Variants in DLG2 observed in about 807,000 individuals in gnomAD.
DLG2 encodes the protein disks large homolog 2.
Under a neutral mutation model 132.5 loss-of-function variants are expected in DLG2, and 45 were observed. That is an observed-to-expected ratio of 0.34 (90% confidence interval 0.27 to 0.44). The LOEUF (loss-of-function observed/expected upper bound fraction) is 0.44, where lower values mean the gene tolerates loss of function less well. DLG2 is among the 20% of genes least tolerant of loss of function. The probability of loss-of-function intolerance (pLI) is 1.00; values close to 1 mark genes in which losing one functional copy is unlikely to be tolerated. For synonymous variants in DLG2, 424 were observed against 419.6 expected (o/e 1.01, Z -0.13); for missense variants, 1,045 against 1,196.9 (o/e 0.87, Z 1.87).
chr11:84,650,869 GTGTGTA>G (rs1213202212), intron 6 of DLG2, among the ~76,000 whole-genome samples: 61 of 121,646 alleles, frequency 5.0e-4, no homozygotes, highest in Middle Eastern at 4.1e-3. Context: ...GTGTGTGTGT[GTGTGTA>G]TATATATATA....
chr11:85,377,117 C>G (rs1282259699), intron 3 of DLG2, among the ~76,000 whole-genome samples: 1 of 152,124 alleles, frequency 6.6e-6, no homozygotes, highest in Non-Finnish European at 1.5e-5. Context: ...CTGTGTCTGG[C>G]TATAGAATCC....
intron 7 of DLG2, among the ~76,000 whole-genome samples, chr11:84,380,598 C>G (rs2098745912): frequency 6.6e-6 from 1 of 151,480 alleles, no homozygotes; most frequent in Admixed American, 6.6e-5. Flanking sequence ...AAACTTATAG[C>G]CTTAAGTATT....
At chr11:84,234,967 T>C (rs1471517823) in intron 8 of DLG2, among the ~76,000 whole-genome samples, 4 of 152,210 alleles carry the variant, frequency 2.6e-5, no homozygotes, top group Admixed American at 1.3e-4. Context: ...TAAAGCCTGA[T>C]AAGAAACATT....
At chr11:85,434,613 G>A (rs1048963162) in intron 3 of DLG2, among the ~76,000 whole-genome samples, 1 of 152,090 alleles carries the variant, frequency 6.6e-6, no homozygotes, top group Non-Finnish European at 1.5e-5. Context: ...ACCCTCCCAA[G>A]AGTAAACCAG....
intron 6 of DLG2, among the ~76,000 whole-genome samples, chr11:84,961,644 T>G (rs2052596252): frequency 6.6e-6 from 1 of 152,022 alleles, no homozygotes; most frequent in Non-Finnish European, 1.5e-5. Flanking sequence ...CCATCATTTA[T>G]GAAACTCCTG....
intron 4 of DLG2, among the ~76,000 whole-genome samples, chr11:85,209,595 C>CTTTTTTTTTTTTTT: frequency 8.6e-6 from 1 of 116,946 alleles, no homozygotes; most frequent in Non-Finnish European, 1.7e-5. Context: ...ACCCAGCTAA[C>CTTTTTTTTTTTTTT]TTTTTTTTTT....
chr11:85,468,310 C>T (rs1248791183), intron 3 of DLG2, among the ~76,000 whole-genome samples: 1 of 152,148 alleles, frequency 6.6e-6, no homozygotes, highest in Non-Finnish European at 1.5e-5. Flanking sequence ...TCTCTATCTC[C>T]TTCAGTTCTG....
rs986792944 is a variant in DLG2, at chr11:83,466,897, G to A, written c.2620-80C>T. On this transcript the variant is annotated intron_variant, in intron 25 of 27. Coordinates refer to ENST00000376104, the MANE Select transcript of DLG2 (RefSeq NM_001142699.3). ...CAACAAAAGGAAACTAATGTATGTA[G>A]GTTTTAGAGGAAGGTAGGGGATGCT... is the stretch of plus-strand genomic sequence containing the variant. The A allele has an allele frequency of 6.5e-6, 6 of 925,048 alleles. No homozygotes were observed. The East Asian group carries it at 9.8e-5, about 15-fold the overall frequency. 57.3% of individuals were successfully genotyped at this position (925,048 alleles called of 1,614,324 possible).
Position 84,844,105 on chromosome 11 carries a change from TTGTG to T in DLG2, c.357+267552_357+267555del, listed in dbSNP as rs1213298818. ...TGTGTGTATATATATATATATATGT[TTGTG>T]TGTGTGTGTGTGTGTGTGTGTGTGT... is the stretch of plus-strand genomic sequence containing the variant. On this transcript the variant is annotated intron_variant, in intron 6 of 27. Transcript: ENST00000376104. Among the ~76,000 whole-genome samples, 334 of 80,830 alleles carry T rather than the reference TTGTG, an allele frequency of 4.1e-3. 1 individual carries two copies. The highest frequency in any genetic ancestry group is 6.7e-3 in the South Asian group (17 of 2,556). The allele number at this position is 80,830 out of a possible 152,430, so 53.0% of individuals were successfully genotyped here.
chr11:85,434,402 ATT>A (rs58508196), intron 3 of DLG2, among the ~76,000 whole-genome samples: 1 of 150,482 alleles, frequency 6.6e-6, no homozygotes, highest in African/African-American at 2.4e-5. Context: ...TTTTGAAAAA[ATT>A]TTAAAAAAAA....
At chr11:85,582,446 A>G (rs929213773) in intron 3 of DLG2, among the ~76,000 whole-genome samples, 6 of 152,044 alleles carry the variant, frequency 3.9e-5, no homozygotes, top group Non-Finnish European at 5.9e-5. Context: ...ATAGGCAATC[A>G]AGGAACAGAT....
intron 3 of DLG2, among the ~76,000 whole-genome samples, chr11:85,538,490 G>GTA (rs768469637): frequency 6.6e-6 from 1 of 151,810 alleles, no homozygotes; most frequent in Non-Finnish European, 1.5e-5. Flanking sequence ...GCATTACTGG[G>GTA]TATATGCTCA....
rs1555532736 is a variant in DLG2 at position 84,373,269 on chromosome 11, A to AAAAAAAAAAC, written c.520-121979_520-121978insGTTTTTTTTT. Among the ~76,000 whole-genome samples, 139 of 128,436 alleles carry AAAAAAAAAAC rather than the reference A, an allele frequency of 1.1e-3. 1 individual carries two copies. The highest frequency in any genetic ancestry group is 1.9e-3 in the Non-Finnish European group (118 of 62,876). 84.3% of individuals were successfully genotyped at this position (128,436 alleles called of 152,430 possible). Reference sequence around the variant, plus strand: ...ACAGTCAAAAAAAAAAAAAAACAAAACAAAAAAAAAACCCACCAGGCCCGG... The same window carrying AAAAAAAAAAC: ...ACAGTCAAAAAAAAAAAAAAACAAAAAAAAAAAAACCAAAAAAAAAACCCACCAGGCCCGG... On this transcript the variant is annotated intron_variant, in intron 7 of 27. Coordinates refer to ENST00000376104, the MANE Select transcript of DLG2 (RefSeq NM_001142699.3).
chr11:83,732,510 T>C (rs1325911871), intron 18 of DLG2, among the ~76,000 whole-genome samples: 1 of 152,214 alleles, frequency 6.6e-6, no homozygotes, highest in African/African-American at 2.4e-5. Flanking sequence ...GCTTTAACAG[T>C]GAATTTTCCG....
chr11:83,483,204 G>A, intron 22 of DLG2: 1 of 1,531,382 alleles, frequency 6.5e-7, no homozygotes, highest in African/African-American at 1.4e-5. Context: ...AAACTCAAAA[G>A]GAAAGGAAAA....
At chr11:83,715,067 A>G (rs1356633238) in intron 18 of DLG2, among the ~76,000 whole-genome samples, 5 of 152,302 alleles carry the variant, frequency 3.3e-5, no homozygotes, top group African/African-American at 1.2e-4. Context: ...ACACCATGGA[A>G]TACTATGCAG....
At chr11:85,175,337 T>C (rs879823933) in intron 4 of DLG2, among the ~76,000 whole-genome samples, 3 of 152,020 alleles carry the variant, frequency 2.0e-5, no homozygotes, top group Non-Finnish European at 4.4e-5. Context: ...ATAAATGTGA[T>C]TCATCACATA....
intron 6 of DLG2, among the ~76,000 whole-genome samples, chr11:84,690,369 A>G (rs2057887707): frequency 6.6e-6 from 1 of 151,940 alleles, no homozygotes; most frequent in South Asian, 2.1e-4. Context: ...ATGTATACGT[A>G]GATCAAAATA....
At chr11:83,578,335 CCAAA>C in intron 19 of DLG2, among the ~76,000 whole-genome samples, 1 of 151,774 alleles carries the variant, frequency 6.6e-6, no homozygotes, top group Middle Eastern at 3.4e-3. Context: ...CAGTAAACCT[CCAAA>C]CAGACATGCA....
Sources: allele counts gnomAD v4.1 joint callset (sites outside exome capture counted in the v4.1 genomes callset), GRCh38; gene constraint gnomAD v4.1.1; transcripts MANE v1.5; gene names NCBI Gene and HGNC (gene_info 2026-07-23, HGNC 2026-07-21).